ESR2: variants seen among roughly 807,000 people sequenced by gnomAD.
ESR2 encodes the protein estrogen receptor 2.
ESR2 carries 36 observed loss-of-function variants against 49.6 expected under a neutral mutation model. The observed-to-expected ratio is 0.73, with a 90% CI of 0.56 to 0.96. The LOEUF is 0.96. ESR2 is among the 40% of genes least tolerant of loss of function. The pLI is 0.00. For missense variants in ESR2, 714 were observed against 693.0 expected, an observed-to-expected ratio of 1.03 and a Z score of -0.34; for synonymous variants, 320 against 266.1, an observed-to-expected ratio of 1.20 and a Z score of -1.97.
intron 6 of ESR2, among the ~76,000 whole-genome samples, chr14:64,255,650 T>G (rs2076083113): frequency 6.6e-6 from 1 of 152,232 alleles, no homozygotes; most frequent in African/African-American, 2.4e-5. Context: ...ATGATAGAGA[T>G]AATAATGGAT....
At chr14:64,264,028 T>A (rs1273908272) in intron 4 of ESR2, among the ~76,000 whole-genome samples, 1 of 152,154 alleles carries the variant, frequency 6.6e-6, no homozygotes, top group African/African-American at 2.4e-5. Flanking sequence ...TTTCATCGGT[T>A]AAAGACAAAA....
chr14:64,293,106 A>T (rs920971321), intron 1 of ESR2, among the ~76,000 whole-genome samples: 1 of 152,246 alleles, frequency 6.6e-6, no homozygotes, highest in African/African-American at 2.4e-5. Context: ...ACTCATATCA[A>T]AATACATTTT....
intron 7 of ESR2, among the ~76,000 whole-genome samples, chr14:64,237,918 C>A (rs976950813): frequency 3.3e-5 from 5 of 152,142 alleles, no homozygotes; most frequent in Admixed American, 6.5e-5. Context: ...CATGGGGTTT[C>A]TTTTCAGGTG....
chr14:64,250,001 C>T (rs1190389706), intron 6 of ESR2, among the ~76,000 whole-genome samples: 2 of 152,198 alleles, frequency 1.3e-5, no homozygotes, highest in Admixed American at 6.5e-5. Flanking sequence ...AATACCACTC[C>T]TATTGATTGT....
chr14:64,299,624 A>G (rs546129076), intron 1 of ESR2, among the ~76,000 whole-genome samples: 4 of 152,038 alleles, frequency 2.6e-5, no homozygotes, highest in Non-Finnish European at 5.9e-5. Flanking sequence ...CGCCTCCCAA[A>G]GTGCTGGGAT....
chr14:64,299,552 C>A (rs532754539), intron 1 of ESR2, among the ~76,000 whole-genome samples: 4 of 152,094 alleles, frequency 2.6e-5, no homozygotes, highest in Non-Finnish European at 5.9e-5. Flanking sequence ...TTAGTAGAGA[C>A]AGGGTTTCAC....
intron 1 of ESR2, among the ~76,000 whole-genome samples, chr14:64,331,579 C>A (rs1468923551): frequency 1.3e-5 from 2 of 152,142 alleles, no homozygotes; most frequent in African/African-American, 4.8e-5. Context: ...GTAATCCCAG[C>A]ACTTTCGGAG....
intron 1 of ESR2, among the ~76,000 whole-genome samples, chr14:64,309,203 C>G (rs1056249156): frequency 6.6e-6 from 1 of 152,080 alleles, no homozygotes; most frequent in Non-Finnish European, 1.5e-5. Flanking sequence ...AAAAGGAGAG[C>G]CCCTGTAACT....
In ESR2 at chr14:64,249,581, T is replaced by C; in HGVS notation, c.1190A>G (p.Tyr397Cys). The C allele has an allele frequency of 8.7e-6, 14 of 1,613,824 alleles. No individual in the cohort carries two copies. The highest frequency in any genetic ancestry group is 1.2e-5 in the Non-Finnish European group (14 of 1,179,738). ...FRELKLQHKEYLCVKAMILLN... is the reference protein window; with the variant it reads ...FRELKLQHKECLCVKAMILLN... ...CAGGATCATGGCCTTGACACAGAGA[T>C]ATTCTTTGTGTTGGAGTTTTAACTC... Residue 397 changes from tyrosine (Y) to cysteine (C), a missense_variant, in exon 7 of 9, where the codon TAT (tyrosine) becomes TGT (cysteine). Tyr to Cys is a radical substitution (Grantham distance 194, BLOSUM62 -2). Transcript: ENST00000341099.
chr14:64,273,281 C>G (rs761791552), intron 3 of ESR2, among the ~76,000 whole-genome samples: 8 of 152,120 alleles, frequency 5.3e-5, no homozygotes, highest in Non-Finnish European at 1.2e-4. Context: ...TAGACTTCTT[C>G]CTTTCCAATT....
rs58597271 is a variant in ESR2, at chr14:64,318,537, C to CAAAAAA, written c.-91+19355_-91+19360dup. 4.8e-3 allele frequency among the ~76,000 whole-genome samples: 154 copies of CAAAAAA among 32,414 alleles called. 4 individuals are homozygous for CAAAAAA. The highest frequency in any genetic ancestry group is 0.019 in the Admixed American group (35 of 1,824). The allele number at this position is 32,414 out of a possible 152,430, so 21.3% of individuals were successfully genotyped here. A position where few individuals can be genotyped will look rare whatever the true frequency, so the allele number is the denominator to read the frequency against. On this transcript the variant is annotated intron_variant, in intron 1 of 8. Transcript: ENST00000358599. The stretch of plus-strand genomic sequence containing the variant: ...GGGCGACAAGAACGAAACTCCATCT[C>CAAAAAA]AAAAAAAAAAAAAAAAAAAAAAAAA...
At chr14:64,331,528 G>A (rs2077458033) in intron 1 of ESR2, among the ~76,000 whole-genome samples, 1 of 152,106 alleles carries the variant, frequency 6.6e-6, no homozygotes, top group African/African-American at 2.4e-5. Context: ...CAGACATGGT[G>A]TAAAAAGATC....
chr14:64,285,023 G>A (rs1157667750), intron 1 of ESR2, among the ~76,000 whole-genome samples: 1 of 151,844 alleles, frequency 6.6e-6, no homozygotes, highest in Non-Finnish European at 1.5e-5. Context: ...CTAACTTTTT[G>A]TATTTTTAGT....
At chr14:64,270,024 G>A (rs1450809874) in intron 3 of ESR2, among the ~76,000 whole-genome samples, 2 of 152,050 alleles carry the variant, frequency 1.3e-5, no homozygotes, top group African/African-American at 4.8e-5. Flanking sequence ...TTAAGAAATA[G>A]AAATTATAAT....
downstream of ESR2, chr14:64,226,924 C>CA (rs2098721839): frequency 6.6e-6 from 1 of 152,378 alleles, no homozygotes; most frequent in Admixed American, 6.5e-5. Flanking sequence ...CTCCTGACCT[C>CA]AACTGATCTG....
chr14:64,234,724 G>A (rs181230342), intron 8 of ESR2: 57 of 781,162 alleles, frequency 7.3e-5, no homozygotes, highest in South Asian at 6.7e-4. Context: ...ATAAACCCCA[G>A]CAATTGAAAA....
chr14:64,257,424 G>A (rs1017314726), intron 5 of ESR2, 60 bp from the exon 6 acceptor site: 5 of 1,591,416 alleles, frequency 3.1e-6, no homozygotes, highest in African/African-American at 1.4e-5. Flanking sequence ...CCCTGTGTGT[G>A]TAGAGACAGA....
chr14:64,240,469 C>T (rs2075697009), intron 7 of ESR2, among the ~76,000 whole-genome samples: 1 of 152,240 alleles, frequency 6.6e-6, no homozygotes, highest in African/African-American at 2.4e-5. Context: ...ATTTCTTTTC[C>T]ATTTAGCCTA....
At chr14:64,227,558 A>AAAAG (rs1315097561), downstream of ESR2, 2 of 1,614,122 alleles carry the variant, frequency 1.2e-6, no homozygotes, top group Non-Finnish European at 1.7e-6. Context: ...TGCTTCAGGC[A>AAAAG]AAAGAGTCTC....
Sources: allele counts gnomAD v4.1 joint callset (sites outside exome capture counted in the v4.1 genomes callset), GRCh38; gene constraint gnomAD v4.1.1; transcripts MANE v1.5; gene names NCBI Gene and HGNC (gene_info 2026-07-23, HGNC 2026-07-21).